The following RHCE variants were observed in gnomAD, a reference collection of about 807,000 sequenced individuals.
RHCE encodes the protein Rh blood group CcEe antigens, also known as blood group Rh(CE) polypeptide.
A neutral mutation model predicts 43.8 loss-of-function variants in RHCE; 22 were observed. The observed-to-expected ratio is 0.50, with a 90% CI of 0.36 to 0.72. The LOEUF (loss-of-function observed/expected upper bound fraction) is 0.72. RHCE is among the 30% of genes least tolerant of loss of function. The probability of loss-of-function intolerance (pLI) is 0.00; values close to 1 mark genes in which losing one functional copy is unlikely to be tolerated. For missense variants in RHCE, 385 were observed against 525.4 expected, an observed-to-expected ratio of 0.73 and a Z score of 2.61; for synonymous variants, 156 against 210.7, an observed-to-expected ratio of 0.74 and a Z score of 2.25.
At position 25,379,617 on chromosome 1, in the gene RHCE, G is replaced by A. The variant is rs1571847648; in HGVS notation, c.1074-4189C>T. Among the ~76,000 whole-genome samples, 6 of 144,748 alleles carry A rather than the reference G, an allele frequency of 4.1e-5. No individual in the cohort carries two copies. In the South Asian group the frequency reaches 1.4e-3, roughly 33 times the overall value. 95.0% of individuals were successfully genotyped at this position (144,748 alleles called of 152,430 possible). On this transcript the variant is annotated intron_variant, in intron 7 of 9. Coordinates refer to ENST00000294413, the MANE Select transcript of RHCE (RefSeq NM_020485.8). The stretch of plus-strand genomic sequence containing the variant: ...ACTCCTTGGCTCAAGTAATCCTCCT[G>A]TCTCAGCCTCCTGAGTAGCTAGGAC...
chr1:25,409,736 T>C (rs1647014914), intron 1 of RHCE, among the ~76,000 whole-genome samples: 1 of 141,112 alleles, frequency 7.1e-6, no homozygotes, highest in Admixed American at 7.4e-5. Context: ...CCTAAGCGTT[T>C]ACCATGTGCC....
intron 3 of RHCE, among the ~76,000 whole-genome samples, chr1:25,401,297 T>C (rs1460846566): frequency 6.6e-6 from 1 of 152,054 alleles, no homozygotes; most frequent in Non-Finnish European, 1.5e-5. Flanking sequence ...CTCTAAGAGG[T>C]TAAATTGCCC....
chr1:25,419,485 C>G (rs1351971387), intron 1 of RHCE, among the ~76,000 whole-genome samples: 3 of 152,104 alleles, frequency 2.0e-5, no homozygotes, highest in Non-Finnish European at 4.4e-5. Context: ...TTCCAGTTAA[C>G]TAGCCGTTCA....
chr1:25,379,123 A>G lies in RHCE; in HGVS notation c.1074-3695T>C, dbSNP rs1408237027. Among the ~76,000 whole-genome samples, 4 of 152,192 alleles carry G rather than the reference A, an allele frequency of 2.6e-5. No homozygotes were observed. The South Asian group carries it at 6.2e-4, about 24-fold the overall frequency. ...GGTTCTGGAGGCTGGGAAGTCTAAG[A>G]GCATGCTGCTGGCATCTGTTGAGGA... is the stretch of plus-strand genomic sequence containing the variant. On this transcript the variant is annotated intron_variant, in intron 7 of 9. Coordinates refer to ENST00000294413, the MANE Select transcript of RHCE (RefSeq NM_020485.8).
intron 1 of RHCE, chr1:25,411,329 T>G: frequency 6.4e-7 from 1 of 1,550,388 alleles, no homozygotes; most frequent in Non-Finnish European, 8.7e-7. Flanking sequence ...ATCACAGCAA[T>G]AGGAACTCAC....
chr1:25,378,889 C>T (rs1645867942), intron 7 of RHCE, among the ~76,000 whole-genome samples: 1 of 152,134 alleles, frequency 6.6e-6, no homozygotes, highest in South Asian at 2.1e-4. Context: ...AAGACCCAAG[C>T]ATGACAGAAC....
At chr1:25,386,215 TTCCTGG>T (rs1196411310) in intron 6 of RHCE, among the ~76,000 whole-genome samples, 2 of 152,182 alleles carry the variant, frequency 1.3e-5, no homozygotes, top group Admixed American at 1.3e-4. Context: ...TTAAGCATCA[TTCCTGG>T]TCTCTCCCCA....
chr1:25,394,133 C>T (rs1483620556), intron 3 of RHCE, among the ~76,000 whole-genome samples: 2 of 152,046 alleles, frequency 1.3e-5, no homozygotes, highest in Non-Finnish European at 2.9e-5. Flanking sequence ...GGATTACAGG[C>T]GCCCACCACT....
chr1:25,406,920 C>T lies in RHCE; in HGVS notation c.335+1763G>A, dbSNP rs1260981639. On this transcript the variant is annotated intron_variant, in intron 2 of 9. Coordinates refer to ENST00000294413, the MANE Select transcript of RHCE (RefSeq NM_020485.8). ...GATTACAGGCATGAGCCACCGCGCC[C>T]GGCCCCTAAAACTGTTTTTTGAGAC... Among the ~76,000 whole-genome samples, 17 of 119,726 alleles carry T rather than the reference C, an allele frequency of 1.4e-4. 3 individuals carry two copies. The highest frequency in any genetic ancestry group is 2.8e-4 in the African/African-American group (11 of 39,046). 78.5% of individuals were successfully genotyped at this position (119,726 alleles called of 152,430 possible). A position where few individuals can be genotyped will look rare whatever the true frequency, so the allele number is the denominator to read the frequency against.
At chr1:25,428,610 G>T (rs9438903) in intron 2 of RHCE, among the ~76,000 whole-genome samples, 11,047 of 152,256 alleles carry the variant, frequency 0.073, 1,281 homozygotes, top group African/African-American at 0.25. Context: ...CCTACTGCTT[G>T]TCTGGCTCTG....
rs1646970056 is a variant in RHCE at position 25,408,117 on chromosome 1, A to G, written c.335+566T>C. 1.6e-5 allele frequency among the ~76,000 whole-genome samples: 2 copies of G among 121,464 alleles called. 1 individual carries two copies. Among genetic ancestry groups the G allele is most frequent in the African/African-American group, 5.1e-5 (2 of 39,400 alleles). 79.7% of individuals were successfully genotyped at this position (121,464 alleles called of 152,430 possible). On this transcript the variant is annotated intron_variant, in intron 2 of 9. Coordinates refer to ENST00000294413, the MANE Select transcript of RHCE (RefSeq NM_020485.8). The stretch of plus-strand genomic sequence containing the variant: ...AGCCTGACCAACACAGAGAAACCCT[A>G]TCTCTACTAAAAATACAAAATCAGC...
rs1295273649 is a variant in RHCE, at chr1:25,406,392, A to C, written c.335+2291T>G. 1.7e-5 allele frequency among the ~76,000 whole-genome samples: 2 copies of C among 119,416 alleles called. 1 individual carries two copies. The highest frequency in any genetic ancestry group is 5.1e-5 in the African/African-American group (2 of 38,890). 78.3% of individuals were successfully genotyped at this position (119,416 alleles called of 152,430 possible). Reference sequence around the variant, plus strand: ...CAATGGCGCGATCTCGGCTCACTATAGCCTCCGCCTCCCGGGTTCAAGTGA... The same window carrying C: ...CAATGGCGCGATCTCGGCTCACTATCGCCTCCGCCTCCCGGGTTCAAGTGA... On this transcript the variant is annotated intron_variant, in intron 2 of 9. Transcript: ENST00000294413.
chr1:25,429,646 T>C (rs987221714), intron 1 of RHCE, among the ~76,000 whole-genome samples: 6 of 152,218 alleles, frequency 3.9e-5, no homozygotes, highest in African/African-American at 1.4e-4. Flanking sequence ...ACTATTCTAG[T>C]ATGACCACTA....
At chr1:25,378,589 A>G (rs534921513) in intron 7 of RHCE, among the ~76,000 whole-genome samples, 1 of 152,334 alleles carries the variant, frequency 6.6e-6, no homozygotes, top group South Asian at 2.1e-4. Flanking sequence ...CAGCTTTCTC[A>G]GGCATGGGAA....
chr1:25,412,714 TTAAAAAAAAAAAAA>T (rs1647124168), intron 1 of RHCE, among the ~76,000 whole-genome samples: 1 of 100,432 alleles, frequency 1.0e-5, no homozygotes, highest in Admixed American at 1.0e-4. Context: ...GACCCTTTTT[TTAAAAAAAAAAAAA>T]AAAAAAAAAA....
chr1:25,370,192 C>G (rs943852972), intron 9 of RHCE, among the ~76,000 whole-genome samples: 12 of 151,562 alleles, frequency 7.9e-5, no homozygotes, highest in East Asian at 1.9e-4. Context: ...CTGCAGATAG[C>G]GGGAGGGGAA....
chr1:25,384,786 C>T (rs1309457277), intron 7 of RHCE, among the ~76,000 whole-genome samples: 3 of 152,180 alleles, frequency 2.0e-5, no homozygotes, highest in African/African-American at 4.8e-5. Flanking sequence ...AGGTTCCAGC[C>T]GGGTGACCTT....
rs765153364 is a variant in RHCE, at chr1:25,429,735, G to A, written c.-137+205C>T. Among the ~76,000 whole-genome samples the A allele has an allele frequency of 1.1e-4, 17 of 152,162 alleles. No individual in the cohort carries two copies. The South Asian group carries it at 3.3e-3, about 30-fold the overall frequency. Reference sequence around the variant, plus strand: ...AAGCAAATACAATAAAATGTCAACTGTATTTGTGTTAATGTGATGAGACTC... The same window carrying A: ...AAGCAAATACAATAAAATGTCAACTATATTTGTGTTAATGTGATGAGACTC... On this transcript the variant is annotated intron_variant, in intron 1 of 11. Transcript: ENST00000349320.
chr1:25,368,950 G>C (rs111734245), intron 9 of RHCE, among the ~76,000 whole-genome samples: 1 of 151,512 alleles, frequency 6.6e-6, no homozygotes, highest in East Asian at 1.9e-4. Context: ...TAGTGGAGAC[G>C]GGGTTTCACC....
Sources: gnomAD v4.1 joint callset for allele counts (sites outside exome capture counted in the v4.1 genomes callset) on GRCh38, gnomAD v4.1.1 for gene constraint, MANE v1.5 for transcripts, NCBI Gene and HGNC (gene_info 2026-07-23, HGNC 2026-07-21) for gene names.